WDR75: variants seen among roughly 807,000 people sequenced by gnomAD.
WDR75 encodes WD repeat domain 75.
WDR75 carries 52 observed loss-of-function variants against 106.1 expected under a neutral mutation model. The observed-to-expected ratio is 0.49, with a 90% CI of 0.39 to 0.62. The LOEUF (loss-of-function observed/expected upper bound fraction) is 0.62, where lower values mean the gene tolerates loss of function less well. Ranked by LOEUF, WDR75 falls within the 20% of genes least tolerant of loss-of-function variation. The probability of loss-of-function intolerance (pLI) is 0.00; values close to 1 mark genes in which losing one functional copy is unlikely to be tolerated. For missense variants in WDR75, 905 were observed against 970.3 expected (o/e 0.93, Z 0.89); for synonymous variants, 333 against 335.5 (o/e 0.99, Z 0.08).
Position 189,448,723 on chromosome 2 carries a change from G to C in WDR75, c.216+215G>C, listed in dbSNP as rs1430490135. On this transcript the variant is annotated intron_variant, in intron 2 of 20. Transcript: ENST00000314761. The stretch of plus-strand genomic sequence containing the variant: ...ATGCTAAGAGGTATTACCTGAGAAG[G>C]ATATTCTTGGCTGTATGAGTTTCTG... 9 of 658,964 alleles carry C rather than the reference G, an allele frequency of 1.4e-5. No individual in the cohort carries two copies. The Admixed American group carries it at 1.9e-4, about 14-fold the overall frequency. 40.8% of individuals were successfully genotyped at this position (658,964 alleles called of 1,614,324 possible). A position where few individuals can be genotyped will look rare whatever the true frequency, so the allele number is the denominator to read the frequency against.
intron 1 of WDR75, among the ~76,000 whole-genome samples, chr2:189,446,526 C>A (rs537886862): frequency 6.6e-6 from 1 of 152,306 alleles, no homozygotes; most frequent in South Asian, 2.1e-4. Context: ...ACAGCACTTA[C>A]AAGAGACCAT....
At chr2:189,460,802 G>A (rs547876923) in intron 8 of WDR75, among the ~76,000 whole-genome samples, 3 of 152,140 alleles carry the variant, frequency 2.0e-5, no homozygotes, top group East Asian at 1.9e-4. Flanking sequence ...TACCGTGCCC[G>A]GCCATTATTT....
intron 1 of WDR75, 81 bp from the exon 2 acceptor site, chr2:189,448,295 CAAT>C (rs890340915): frequency 2.8e-5 from 40 of 1,413,592 alleles, no homozygotes; most frequent in Middle Eastern, 2.0e-4. Context: ...ACCACTGAAA[CAAT>C]GATGAAAAAT....
Position 189,463,719 on chromosome 2 carries a change from T to C in WDR75, c.963T>C (p.Leu321=). The change falls in exon 10 of 21, where the codon CTT becomes CTC. Residue 321 remains leucine (L), a synonymous_variant. Transcript: ENST00000314761. ...AGATAATAATTATTCACCGAAACCT[T>C]GAAGCATCCGCAGTAATTCAAGGCC... The part of the protein sequence containing the change: ...DNKIIIIHRN[L]EASAVIQGLV... The C allele has an allele frequency of 1.2e-6, 2 of 1,613,828 alleles. No individual in the cohort carries two copies. Among genetic ancestry groups the C allele is most frequent in the Non-Finnish European group, 1.7e-6 (2 of 1,179,778 alleles).
chr2:189,460,745 TC>T (rs1224148310), intron 8 of WDR75, among the ~76,000 whole-genome samples: 1 of 151,984 alleles, frequency 6.6e-6, no homozygotes, highest in African/African-American at 2.4e-5. Flanking sequence ...CCTCAGGCGA[TC>T]CCCCCAGCCT....
chr2:189,442,116 C>T (rs1686385270), intron 1 of WDR75, among the ~76,000 whole-genome samples: 1 of 152,144 alleles, frequency 6.6e-6, no homozygotes, highest in Non-Finnish European at 1.5e-5. Flanking sequence ...CAAACCACTC[C>T]CTGGCTTCAA....
At chr2:189,441,749 A>T (rs1315871832) in intron 1 of WDR75, among the ~76,000 whole-genome samples, 171 bp downstream of exon 1, 1 of 151,858 alleles carries the variant, frequency 6.6e-6, no homozygotes, top group African/African-American at 2.4e-5. Flanking sequence ...TCCCGTTACC[A>T]CTGCAGATTG....
chr2:189,472,233 TGTG>T (rs1438289236), intron 18 of WDR75, among the ~76,000 whole-genome samples: 2 of 151,990 alleles, frequency 1.3e-5, no homozygotes, highest in Non-Finnish European at 2.9e-5. Context: ...TGGTAAGAAT[TGTG>T]GTGGGGTAGA....
At chr2:189,457,629 G>A (rs946864540) in intron 6 of WDR75, among the ~76,000 whole-genome samples, 1 of 152,120 alleles carries the variant, frequency 6.6e-6, no homozygotes, top group Admixed American at 6.5e-5. Flanking sequence ...TGCATTCTTG[G>A]AGTCAAAGTT....
chr2:189,459,251 A>T, intron 7 of WDR75, 85 bp from the exon 8 acceptor site: 1 of 957,910 alleles, frequency 1.0e-6, no homozygotes, highest in Non-Finnish European at 1.6e-6. Flanking sequence ...TGTTTGGTAT[A>T]TATTATGTTT....
chr2:189,461,346 T>G (rs957621133), intron 8 of WDR75, among the ~76,000 whole-genome samples: 1 of 152,228 alleles, frequency 6.6e-6, no homozygotes, highest in African/African-American at 2.4e-5. Context: ...CACATTTGAC[T>G]GGTGGCTACC....
At position 189,467,616 on chromosome 2, in the gene WDR75, A is replaced by G; in HGVS notation, c.1596A>G (p.Lys532=). 6.2e-7 allele frequency: 1 copy of G among 1,603,710 alleles called. No homozygotes were observed. Among genetic ancestry groups the G allele is most frequent in the South Asian group, 1.1e-5 (1 of 88,496 alleles). The change falls in exon 14 of 21, where the codon AAA becomes AAG. Residue 532 remains lysine, a synonymous_variant. Transcript: ENST00000314761. ...TIWDSVTWEL[K]CTFCQRAGKI... The stretch of plus-strand genomic sequence containing the variant: ...GGGATTCTGTAACATGGGAACTTAA[A>G]TGTACATTTTGCCAACGAGCTGGGA...
rs143052473 is a variant in WDR75 at position 189,456,343 on chromosome 2, T to C, written c.498+899T>C. Among the ~76,000 whole-genome samples, 211 of 152,196 alleles carry C rather than the reference T, an allele frequency of 1.4e-3. 1 individual carries two copies. The highest frequency in any genetic ancestry group is 2.3e-3 in the Non-Finnish European group (159 of 68,008). The stretch of plus-strand genomic sequence containing the variant: ...CACAAAATGATGTGTACAAGAGTGA[T>C]TATTCATAGTAGCTCCAAAATGTAA... On this transcript the variant is annotated intron_variant, in intron 5 of 20. Transcript: ENST00000314761.
At position 189,475,395 on chromosome 2, in the gene WDR75, A is replaced by G. The variant is rs1306452403; in HGVS notation, c.2471A>G (p.Tyr824Cys). The G allele has an allele frequency of 1.9e-6, 3 of 1,609,216 alleles. No individual in the cohort carries two copies. In the South Asian group the frequency reaches 3.3e-5, roughly 18 times the overall value. ...CTGAGAAAATTTAGGAAAATAGACT[A>G]CAGCTGGATAGCTGCCCTTTAAGCC... Reference protein sequence around the residue: ...KELRKFRKIDYSWIAAL With the variant: ...KELRKFRKIDCSWIAAL Residue 824 changes from tyrosine to cysteine, a missense_variant, in exon 21 of 21, where the codon TAC becomes TGC. Physicochemically the swap from Tyr to Cys is radical, Grantham distance 194. Coordinates refer to ENST00000314761, the MANE Select transcript of WDR75 (RefSeq NM_032168.3).
chr2:189,457,628 G>A (rs1686767324), intron 6 of WDR75, among the ~76,000 whole-genome samples: 1 of 152,104 alleles, frequency 6.6e-6, no homozygotes, highest in South Asian at 2.1e-4. Flanking sequence ...CTGCATTCTT[G>A]GAGTCAAAGT....
intron 17 of WDR75, 86 bp from the exon 18 acceptor site, chr2:189,470,733 C>A: frequency 1.1e-6 from 1 of 935,952 alleles, no homozygotes; most frequent in Non-Finnish European, 1.5e-6. Context: ...AAAATTTGAC[C>A]TTCTCATTTT....
At chr2:189,446,457 C>A (rs1183120668) in intron 1 of WDR75, among the ~76,000 whole-genome samples, 1 of 152,172 alleles carries the variant, frequency 6.6e-6, no homozygotes, top group Non-Finnish European at 1.5e-5. Context: ...ATCGCAAATG[C>A]TTTGTTGCTC....
At chr2:189,448,682 C>A in intron 2 of WDR75, 174 bp downstream of exon 2, 1 of 792,700 alleles carries the variant, frequency 1.3e-6, no homozygotes, top group Non-Finnish European at 2.1e-6. Context: ...ATTCTGTGAA[C>A]CATTTGTTCC....
At chr2:189,448,766 C>T (rs779914028) in intron 2 of WDR75, 5 of 573,798 alleles carry the variant, frequency 8.7e-6, no homozygotes, top group Middle Eastern at 2.8e-4. Context: ...GGGCTAGGCA[C>T]AGTTAAATGT....
Sources: allele counts gnomAD v4.1 joint callset (sites outside exome capture counted in the v4.1 genomes callset), GRCh38; gene constraint gnomAD v4.1.1; transcripts MANE v1.5; gene names NCBI Gene and HGNC (gene_info 2026-07-23, HGNC 2026-07-21).